AK8: variants seen among roughly 807,000 people sequenced by gnomAD.
AK8 encodes ATP-AMP transphosphorylase 8.
AK8 carries 44 observed loss-of-function variants against 54.6 expected under a neutral mutation model. That is an observed-to-expected ratio of 0.81 (90% confidence interval 0.63 to 1.04). AK8 has a LOEUF of 1.04. Among genes scored for constraint, AK8 ranks in the 50% least tolerant of loss-of-function variants. The pLI, the probability that AK8 is intolerant of heterozygous loss-of-function variation, is 0.00. For missense variants in AK8, 555 were observed against 613.6 expected (o/e 0.90, Z 1.01); for synonymous variants, 239 against 245.6 (o/e 0.97, Z 0.25).
At chr9:132,872,534 C>T (rs916400983) in intron 2 of AK8, among the ~76,000 whole-genome samples, 1 of 151,950 alleles carries the variant, frequency 6.6e-6, no homozygotes, top group African/African-American at 2.4e-5. Context: ...AAGATGAAGT[C>T]GTGGCACCAT....
At chr9:132,728,467 A>G (rs1406505480) in intron 11 of AK8, among the ~76,000 whole-genome samples, 1 of 152,166 alleles carries the variant, frequency 6.6e-6, no homozygotes, top group Non-Finnish European at 1.5e-5. Context: ...AGACTCAGTT[A>G]CCCCAACTAC....
chr9:132,813,125 C>G lies in AK8; in HGVS notation c.979+1513G>C, dbSNP rs551768283. 7.9e-3 allele frequency among the ~76,000 whole-genome samples: 1,006 copies of G among 127,164 alleles called. 17 individuals carry two copies. Among genetic ancestry groups the G allele is most frequent in the African/African-American group, 0.031 (948 of 30,906 alleles). 83.4% of individuals were successfully genotyped at this position (127,164 alleles called of 152,430 possible). A position where few individuals can be genotyped will look rare whatever the true frequency, so the allele number is the denominator to read the frequency against. On this transcript the variant is annotated intron_variant, in intron 10 of 12. Transcript: ENST00000298545. ...TCATTCTGTGGCCACCGCAGACACCCAGGACCAGACCTGCTCACTGCCCTG... is the reference window on the plus strand; with the variant it reads ...TCATTCTGTGGCCACCGCAGACACCGAGGACCAGACCTGCTCACTGCCCTG...
At chr9:132,877,664 G>C (rs561779872) in intron 1 of AK8, 8 of 358,344 alleles carry the variant, frequency 2.2e-5, no homozygotes. Flanking sequence ...CTGAGGAGGA[G>C]GGACCAAGGT....
At chr9:132,872,068 T>C (rs774297158) in intron 2 of AK8, among the ~76,000 whole-genome samples, 3 of 152,156 alleles carry the variant, frequency 2.0e-5, no homozygotes, top group African/African-American at 7.2e-5. Context: ...GGCACAGTGG[T>C]CCATGCCTGT....
At chr9:132,833,950 G>T (rs1437880091) in intron 5 of AK8, among the ~76,000 whole-genome samples, 1 of 152,224 alleles carries the variant, frequency 6.6e-6, no homozygotes, top group Non-Finnish European at 1.5e-5. Flanking sequence ...TCTCCTCCCA[G>T]GACCAGAGCG....
At position 132,828,657 on chromosome 9, in the gene AK8, G is replaced by A; in HGVS notation, c.472C>T (p.Pro158Ser). 6.2e-7 allele frequency: 1 copy of A among 1,612,222 alleles called. No individual in the cohort carries two copies. The highest frequency in any genetic ancestry group is 1.1e-5 in the South Asian group (1 of 90,384). ...GGGAGCTACTCACTGACGTGTCTGGGTGTGATCCCCAGGGTCTGGATCCTC... is the reference window on the plus strand; with the variant it reads ...GGGAGCTACTCACTGACGTGTCTGGATGTGATCCCCAGGGTCTGGATCCTC... ...ALRIQTLGIT[P>S]RHVIVLSAPD... The change falls in exon 6 of 13, where the codon CCC (proline) becomes TCC (serine). Residue 158 changes from proline (P) to serine (S), a missense_variant. Transcript: ENST00000298545.
chr9:132,823,105 C>A (rs940694474), intron 9 of AK8, 100 bp downstream of exon 9: 31 of 1,444,156 alleles, frequency 2.1e-5, no homozygotes, highest in Admixed American at 5.1e-5. Context: ...CTGACCCTTC[C>A]CCCCCAACAC....
intron 4 of AK8, among the ~76,000 whole-genome samples, chr9:132,856,792 G>T (rs2131391058): frequency 6.6e-6 from 1 of 152,294 alleles, no homozygotes; most frequent in East Asian, 1.9e-4. Flanking sequence ...GGAACGGAAT[G>T]AAACCAGCAC....
chr9:132,862,744 G>A (rs1432130197), intron 4 of AK8, among the ~76,000 whole-genome samples: 2 of 152,200 alleles, frequency 1.3e-5, no homozygotes, highest in East Asian at 3.9e-4. Flanking sequence ...CAACAGAGCT[G>A]ACTGTGCCTG....
intron 11 of AK8, among the ~76,000 whole-genome samples, chr9:132,789,037 T>C (rs983606808): frequency 3.3e-5 from 5 of 152,228 alleles, no homozygotes; most frequent in Admixed American, 2.0e-4. Flanking sequence ...GGCTCACACC[T>C]GTAATCCCAG....
At chr9:132,755,451 T>G (rs1209927095) in intron 11 of AK8, among the ~76,000 whole-genome samples, 7 of 152,176 alleles carry the variant, frequency 4.6e-5, no homozygotes, top group African/African-American at 1.7e-4. Context: ...AGTAGTTAGC[T>G]GTGTCCAAAT....
chr9:132,866,594 C>T lies in AK8; in HGVS notation c.219+310G>A, dbSNP rs145717431. ...GACCCAGCACGTGTACTTCTGGAAA[C>T]GTACCCTAAGGATATAGCGAAGGGT... On this transcript the variant is annotated intron_variant, in intron 3 of 12. Coordinates refer to ENST00000298545, the MANE Select transcript of AK8 (RefSeq NM_152572.3). 3.2e-4 allele frequency among the ~76,000 whole-genome samples: 48 copies of T among 152,264 alleles called. 1 individual carries two copies. In the East Asian group the frequency reaches 8.5e-3, roughly 27 times the overall value.
chr9:132,812,526 A>ATGACAGGGGTGAGCCG (rs1564415056), intron 10 of AK8, among the ~76,000 whole-genome samples: 2 of 6,994 alleles, frequency 2.9e-4, no homozygotes, highest in African/African-American at 8.4e-4. Flanking sequence ...GGGGTGAGCT[A>ATGACAGGGGTGAGCCG]CCGTGCCCAC....
chr9:132,750,868 C>T (rs1023761694), intron 11 of AK8, among the ~76,000 whole-genome samples: 2 of 151,928 alleles, frequency 1.3e-5, no homozygotes, highest in African/African-American at 4.8e-5. Flanking sequence ...TAAAGGTCAC[C>T]GCCTGGAAGG....
intron 2 of AK8, among the ~76,000 whole-genome samples, chr9:132,871,483 A>C (rs1323476822): frequency 1.3e-5 from 2 of 152,176 alleles, no homozygotes; most frequent in Non-Finnish European, 2.9e-5. Flanking sequence ...CCTGCGGTGG[A>C]GTGCAGGGCT....
At chr9:132,853,314 T>C (rs2809262) in intron 5 of AK8, among the ~76,000 whole-genome samples, 130,256 of 147,036 alleles carry the variant, frequency 0.89, 57,743 homozygotes, top group African/African-American at 0.9. Flanking sequence ...GCCGAGATTA[T>C]GCCGCTGCAC....
chr9:132,790,902 A>G lies in AK8; in HGVS notation c.1121+1732T>C, dbSNP rs1191904316. 6.6e-6 allele frequency among the ~76,000 whole-genome samples: 1 copy of G among 152,176 alleles called. No homozygotes were observed. Among genetic ancestry groups the G allele is most frequent in the Non-Finnish European group, 1.5e-5 (1 of 68,046 alleles). On this transcript the variant is annotated intron_variant, in intron 11 of 12. Transcript: ENST00000298545. The surrounding 1 kb of genome is among the most constrained non-coding windows in gnomAD (Gnocchi z 4.1). The stretch of plus-strand genomic sequence containing the variant: ...ATACTCTTGAAAAACCCCCTTAGAA[A>G]ATATGGAATGAAAATATCTTATTAT...
chr9:132,764,124 G>T (rs951366102), intron 11 of AK8, among the ~76,000 whole-genome samples: 5 of 152,120 alleles, frequency 3.3e-5, no homozygotes, highest in South Asian at 2.1e-4. Context: ...AGGCAACATG[G>T]TGAAACCCTG....
intron 12 of AK8, among the ~76,000 whole-genome samples, chr9:132,726,891 A>T (rs1590156615): frequency 9.8e-6 from 1 of 102,420 alleles, no homozygotes; most frequent in Admixed American, 1.2e-4. Context: ...CCCCCACCCC[A>T]CTCCTGCGTC....
Sources: gnomAD v4.1 joint callset for allele counts (sites outside exome capture counted in the v4.1 genomes callset) on GRCh38, gnomAD v4.1.1 for gene constraint, Gnocchi (gnomAD v3.1) non-coding constraint, MANE v1.5 for transcripts, NCBI Gene and HGNC (gene_info 2026-07-23, HGNC 2026-07-21) for gene names.